EXOC4: variants seen among roughly 807,000 people sequenced by gnomAD.
EXOC4 encodes the protein exocyst complex component 4, also known as SEC8-like 1.
In EXOC4, 71 loss-of-function variants were observed where a neutral mutation model predicts 107.2. That is an observed-to-expected ratio of 0.66 (90% CI 0.55 to 0.81). The LOEUF is 0.81. Among genes scored for constraint, EXOC4 ranks in the 30% least tolerant of loss-of-function variants. EXOC4 has a pLI of 0.00. For synonymous variants in EXOC4, 456 were observed against 441.2 expected (o/e 1.03, Z -0.42); for missense variants, 1,108 against 1,189.6 (o/e 0.93, Z 1.01).
At chr7:133,590,128 T>G (rs185520179) in intron 9 of EXOC4, among the ~76,000 whole-genome samples, 194 of 152,146 alleles carry the variant, frequency 1.3e-3, no homozygotes, top group Non-Finnish European at 1.7e-3. Context: ...GAATTTCCGA[T>G]GTCTCCACTC....
intron 10 of EXOC4, among the ~76,000 whole-genome samples, chr7:133,817,017 G>GT (rs1374286688): frequency 6.6e-6 from 1 of 152,106 alleles, no homozygotes; most frequent in Non-Finnish European, 1.5e-5. Flanking sequence ...AATAATTTGT[G>GT]TTTTTTGTTT....
At chr7:133,378,167 T>C (rs1424063852) in intron 7 of EXOC4, among the ~76,000 whole-genome samples, 1 of 151,790 alleles carries the variant, frequency 6.6e-6, no homozygotes, top group Non-Finnish European at 1.5e-5. Context: ...AAGAATTAAC[T>C]GGGTGTGGTG....
chr7:133,672,315 C>T lies in EXOC4; in HGVS notation c.1514+42174C>T, dbSNP rs188689770. Among the ~76,000 whole-genome samples the T allele has an allele frequency of 4.2e-4, 63 of 151,010 alleles. 1 individual carries two copies. The East Asian group carries it at 9.2e-3, about 22-fold the overall frequency. On this transcript the variant is annotated intron_variant, in intron 10 of 17. Transcript: ENST00000253861. ...CTGAGGCAGGAGAATGGCGTGAACC[C>T]GGGAGGTGAAGCTTGCAGTGAGCCG...
At chr7:133,715,365 A>G (rs1794978428) in intron 10 of EXOC4, among the ~76,000 whole-genome samples, 1 of 152,072 alleles carries the variant, frequency 6.6e-6, no homozygotes, top group Admixed American at 6.6e-5. Flanking sequence ...ACCACTGAAC[A>G]CTTTAGCTAG....
intron 9 of EXOC4, among the ~76,000 whole-genome samples, chr7:133,579,891 TTGGCCAGGA>T (rs202224959): frequency 0.15 from 22,141 of 152,046 alleles, 2,000 homozygotes; most frequent in Non-Finnish European, 0.2. Context: ...TTTCACCATG[TTGGCCAGGA>T]TGGCCAGGAT....
chr7:133,266,062 C>CT (rs2150512666), intron 1 of EXOC4, among the ~76,000 whole-genome samples: 1 of 152,270 alleles, frequency 6.6e-6, no homozygotes, highest in African/African-American at 2.4e-5. Flanking sequence ...TACTAGGTGA[C>CT]TAAAGCAATA....
intron 9 of EXOC4, among the ~76,000 whole-genome samples, chr7:133,608,064 C>A (rs944914151): frequency 7.2e-5 from 11 of 152,112 alleles, no homozygotes; most frequent in Non-Finnish European, 1.5e-4. Flanking sequence ...GTAGAATATA[C>A]TTCAACTCAA....
chr7:133,909,566 T>C (rs1799644061), intron 12 of EXOC4, among the ~76,000 whole-genome samples: 1 of 152,144 alleles, frequency 6.6e-6, no homozygotes, highest in Non-Finnish European at 1.5e-5. Flanking sequence ...TGAGTGACAT[T>C]AGACAGGTAG....
intron 14 of EXOC4, among the ~76,000 whole-genome samples, chr7:133,949,577 G>A (rs189333869): frequency 6.6e-5 from 10 of 152,264 alleles, no homozygotes; most frequent in Non-Finnish European, 1.2e-4. Context: ...TCTAAAGAAG[G>A]TACTATTTGT....
chr7:133,384,405 T>C (rs1349493203), intron 7 of EXOC4, among the ~76,000 whole-genome samples: 1 of 152,210 alleles, frequency 6.6e-6, no homozygotes, highest in African/African-American at 2.4e-5. Context: ...TGTCTGGTTT[T>C]GTCTGATATT....
intron 14 of EXOC4, among the ~76,000 whole-genome samples, chr7:133,945,706 C>T (rs910360521): frequency 6.6e-6 from 1 of 152,204 alleles, no homozygotes; most frequent in Admixed American, 6.5e-5. Context: ...CCCCATCCCC[C>T]AACCGCACAG....
At chr7:133,269,614 T>C (rs1440593863) in intron 1 of EXOC4, among the ~76,000 whole-genome samples, 1 of 152,224 alleles carries the variant, frequency 6.6e-6, no homozygotes, top group Non-Finnish European at 1.5e-5. Context: ...TGCATTTAGT[T>C]TTAAAATTTC....
intron 7 of EXOC4, among the ~76,000 whole-genome samples, chr7:133,412,881 T>C (rs1797394398): frequency 1.3e-5 from 2 of 152,092 alleles, no homozygotes; most frequent in South Asian, 2.1e-4. Flanking sequence ...TTTCTCAAAA[T>C]AGTGGTTTAA....
intron 10 of EXOC4, among the ~76,000 whole-genome samples, chr7:133,737,899 A>AT (rs1585113155): frequency 1.8e-5 from 1 of 54,880 alleles, no homozygotes; most frequent in Non-Finnish European, 3.7e-5. Context: ...GTGCCTCTTG[A>AT]TTTTTCTTTC....
At chr7:134,040,236 C>CT (rs1236019008) in intron 17 of EXOC4, among the ~76,000 whole-genome samples, 2 of 152,160 alleles carry the variant, frequency 1.3e-5, no homozygotes, top group African/African-American at 4.8e-5. Flanking sequence ...CTTAGAGTGA[C>CT]TTTTTTATAA....
chr7:133,397,428 C>T (rs1796996404), intron 7 of EXOC4, among the ~76,000 whole-genome samples: 1 of 151,988 alleles, frequency 6.6e-6, no homozygotes, highest in Non-Finnish European at 1.5e-5. Context: ...GCCACTGCGC[C>T]CGGCTCATTT....
chr7:133,939,374 G>C (rs925492507), intron 14 of EXOC4, among the ~76,000 whole-genome samples: 7 of 152,132 alleles, frequency 4.6e-5, no homozygotes, highest in African/African-American at 1.7e-4. Context: ...TACTTGCATG[G>C]CCTCATGCTG....
At chr7:134,082,174 GT>G in the EXOC4 span, among the ~76,000 whole-genome samples, 2 of 67,976 alleles carry the variant, frequency 2.9e-5, no homozygotes, top group African/African-American at 2.3e-4. Flanking sequence ...AGGGCTGCTG[GT>G]TGCCCATTTT....
chr7:133,349,485 G>A (rs1795859997), intron 5 of EXOC4, among the ~76,000 whole-genome samples: 1 of 152,118 alleles, frequency 6.6e-6, no homozygotes, highest in Non-Finnish European at 1.5e-5. Flanking sequence ...GCATGTGTCA[G>A]AATTTCCTTC....
Sources: allele counts gnomAD v4.1 joint callset (sites outside exome capture counted in the v4.1 genomes callset), GRCh38; gene constraint gnomAD v4.1.1; transcripts MANE v1.5; gene names NCBI Gene and HGNC (gene_info 2026-07-23, HGNC 2026-07-21).